The following NRG3 variants were observed in gnomAD, a reference collection of about 807,000 sequenced individuals.
The protein encoded by NRG3 is neuregulin 3.
A neutral mutation model predicts 66.9 loss-of-function variants in NRG3; 31 were observed. The observed-to-expected ratio is 0.46, with a 90% CI of 0.35 to 0.63. The LOEUF is 0.63. Among genes scored for constraint, NRG3 ranks in the 20% least tolerant of loss-of-function variants. The pLI is 0.00. For synonymous variants in NRG3, 393 were observed against 359.4 expected (o/e 1.09, Z -1.06); for missense variants, 910 against 878.9 (o/e 1.04, Z -0.45).
chr10:82,015,597 G>A (rs2061753111), intron 1 of NRG3, among the ~76,000 whole-genome samples: 1 of 151,918 alleles, frequency 6.6e-6, no homozygotes, highest in South Asian at 2.1e-4. Context: ...TTTATAAGGG[G>A]CTCTTTCCTT....
At chr10:81,995,828 A>G (rs1191480650) in intron 1 of NRG3, among the ~76,000 whole-genome samples, 1 of 152,114 alleles carries the variant, frequency 6.6e-6, no homozygotes, top group East Asian at 1.9e-4. Flanking sequence ...TACCTTTTCT[A>G]GATACAGACC....
chr10:82,027,753 A>C (rs929059691), intron 1 of NRG3, among the ~76,000 whole-genome samples: 2 of 152,126 alleles, frequency 1.3e-5, no homozygotes, highest in Non-Finnish European at 1.5e-5. Flanking sequence ...AGGGGATTGC[A>C]GTCTCTCTTC....
chr10:82,635,148 A>T (rs2050101628), intron 2 of NRG3, among the ~76,000 whole-genome samples: 1 of 152,162 alleles, frequency 6.6e-6, no homozygotes, highest in Non-Finnish European at 1.5e-5. Context: ...TGGTTAGGAG[A>T]GGCTAATACA....
chr10:81,885,498 CG>C (rs1289909130), intron 1 of NRG3, among the ~76,000 whole-genome samples: 1 of 152,048 alleles, frequency 6.6e-6, no homozygotes, highest in Non-Finnish European at 1.5e-5. Context: ...GATATTCTGC[CG>C]GGGGTACTAC....
At chr10:82,601,866 A>C (rs191083510) in intron 2 of NRG3, among the ~76,000 whole-genome samples, 2 of 147,060 alleles carry the variant, frequency 1.4e-5, no homozygotes, top group South Asian at 4.2e-4. Context: ...AAAATTATTT[A>C]TATATATATA....
intron 2 of NRG3, among the ~76,000 whole-genome samples, chr10:82,366,968 T>G (rs2084573590): frequency 6.6e-6 from 1 of 152,208 alleles, no homozygotes; most frequent in Non-Finnish European, 1.5e-5. Context: ...CAGGATATGT[T>G]AGCAGCGAAT....
intron 4 of NRG3, among the ~76,000 whole-genome samples, chr10:82,950,584 T>G (rs1849425760): frequency 6.6e-6 from 1 of 152,102 alleles, no homozygotes; most frequent in African/African-American, 2.4e-5. Flanking sequence ...GCCAAATAGG[T>G]AGAAGGGAAG....
chr10:82,965,752 T>C, intron 6 of NRG3, among the ~76,000 whole-genome samples: 1 of 151,998 alleles, frequency 6.6e-6, no homozygotes, highest in African/African-American at 2.4e-5. Context: ...TTTATATATA[T>C]ATATATTAGC....
At chr10:81,943,103 A>G (rs1410580517) in intron 1 of NRG3, among the ~76,000 whole-genome samples, 1 of 152,114 alleles carries the variant, frequency 6.6e-6, no homozygotes, top group African/African-American at 2.4e-5. Context: ...TAGTTGCATT[A>G]ATTGCTGGGC....
intron 4 of NRG3, among the ~76,000 whole-genome samples, chr10:82,891,322 C>T (rs1214845330): frequency 6.6e-6 from 1 of 151,640 alleles, no homozygotes; most frequent in Admixed American, 6.6e-5. Context: ...TTTGGGTCCT[C>T]TTTAATGTTT....
At chr10:82,636,634 A>G (rs2050216477) in intron 2 of NRG3, among the ~76,000 whole-genome samples, 1 of 152,168 alleles carries the variant, frequency 6.6e-6, no homozygotes, top group South Asian at 2.1e-4. Flanking sequence ...CAGTTTCTTT[A>G]TCTATTTGTC....
intron 2 of NRG3, among the ~76,000 whole-genome samples, chr10:82,718,957 T>G (rs2057134712): frequency 6.6e-6 from 1 of 152,220 alleles, no homozygotes. Context: ...AATGTAGCTT[T>G]CTTTATTTAA....
chr10:82,713,165 G>A (rs2056779334), intron 2 of NRG3, among the ~76,000 whole-genome samples: 1 of 142,624 alleles, frequency 7.0e-6, no homozygotes, highest in African/African-American at 2.6e-5. Flanking sequence ...AGACAGGCAA[G>A]AGGGCTAATG....
At chr10:82,421,756 T>C (rs2089094069) in intron 2 of NRG3, among the ~76,000 whole-genome samples, 1 of 152,080 alleles carries the variant, frequency 6.6e-6, no homozygotes, top group South Asian at 2.1e-4. Flanking sequence ...AGCAAGCTCA[T>C]TCTAGTTCAG....
intron 1 of NRG3, among the ~76,000 whole-genome samples, chr10:82,300,345 T>C (rs1205157662): frequency 6.6e-6 from 1 of 152,192 alleles, no homozygotes; most frequent in East Asian, 1.9e-4. Context: ...GATGGTTTCT[T>C]ATACCATTCC....
At chr10:82,177,703 A>G (rs765801735) in intron 1 of NRG3, among the ~76,000 whole-genome samples, 2 of 152,180 alleles carry the variant, frequency 1.3e-5, no homozygotes, top group Non-Finnish European at 2.9e-5. Flanking sequence ...CCTCACGGGT[A>G]GCTGGGACCA....
intron 4 of NRG3, among the ~76,000 whole-genome samples, chr10:82,868,050 G>A (rs1340310124): frequency 6.6e-6 from 1 of 152,156 alleles, no homozygotes; most frequent in African/African-American, 2.4e-5. Flanking sequence ...TCAAATGCAG[G>A]AAACACTGCA....
At chr10:82,494,768 T>A (rs1206765744) in intron 2 of NRG3, among the ~76,000 whole-genome samples, 1 of 152,124 alleles carries the variant, frequency 6.6e-6, no homozygotes, top group Non-Finnish European at 1.5e-5. Context: ...GGTGACTTGC[T>A]ACTAAACTCA....
At chr10:82,094,177 A>G (rs1011996822) in intron 1 of NRG3, among the ~76,000 whole-genome samples, 5 of 152,224 alleles carry the variant, frequency 3.3e-5, no homozygotes, top group Admixed American at 1.3e-4. Context: ...TCTACATAAT[A>G]AAAGCATGAA....
Sources: allele counts gnomAD v4.1 joint callset (sites outside exome capture counted in the v4.1 genomes callset), GRCh38; gene constraint gnomAD v4.1.1; transcripts MANE v1.5; gene names NCBI Gene and HGNC (gene_info 2026-07-23, HGNC 2026-07-21).